The following YARS1 variants were observed in gnomAD, a reference collection of about 807,000 sequenced individuals.
The protein encoded by YARS1 is tyrosyl-tRNA synthetase 1.
A neutral mutation model predicts 62.2 loss-of-function variants in YARS1; 36 were observed. The observed-to-expected ratio is 0.58, with a 90% CI of 0.44 to 0.76. The LOEUF (loss-of-function observed/expected upper bound fraction) is 0.76, where lower values mean the gene tolerates loss of function less well. Ranked by LOEUF, YARS1 falls within the 30% of genes least tolerant of loss-of-function variation. The pLI is 0.00. For synonymous variants in YARS1, 234 were observed against 244.9 expected (o/e 0.96, Z 0.42); for missense variants, 524 against 639.8 (o/e 0.82, Z 1.95).
At chr1:32,799,826 G>A (rs1472085103) in intron 4 of YARS1, among the ~76,000 whole-genome samples, 1 of 151,832 alleles carries the variant, frequency 6.6e-6, no homozygotes, top group African/African-American at 2.4e-5. Flanking sequence ...TTTTAGAGAT[G>A]GAGTCTCACA....
intron 8 of YARS1, among the ~76,000 whole-genome samples, chr1:32,784,856 A>G (rs970056666): frequency 1.3e-5 from 2 of 152,172 alleles, no homozygotes; most frequent in African/African-American, 4.8e-5. Flanking sequence ...CCTCTGTGTA[A>G]TACCAGTCCC....
chr1:32,785,400 G>T (rs1019019220), intron 8 of YARS1, among the ~76,000 whole-genome samples: 4 of 150,870 alleles, frequency 2.7e-5, no homozygotes, highest in Non-Finnish European at 5.9e-5. Flanking sequence ...GGCGGAGGTT[G>T]CAGTGAGCCG....
chr1:32,779,517 C>T lies in YARS1; in HGVS notation c.1341G>A (p.Gly447=), dbSNP rs1054268611. The stretch of plus-strand genomic sequence containing the variant: ...CCAGAGGTTCAACCTGGCGGTTTAT[C>T]CCTTCTCTGGGAAGACACAGGACAA... The part of the protein sequence containing the change: ...QGMLLCASIE[G]INRQVEPLDP... The change falls in exon 12 of 13, where the codon GGG becomes GGA. Residue 447 remains glycine, a synonymous_variant. Coordinates refer to ENST00000373477, the MANE Select transcript of YARS1 (RefSeq NM_003680.4). The T allele has an allele frequency of 6.2e-7, 1 of 1,614,146 alleles. No individual in the cohort carries two copies. The highest frequency in any genetic ancestry group is 8.5e-7 in the Non-Finnish European group (1 of 1,180,018).
rs1401031007 is a variant in YARS1 at position 32,817,175 on chromosome 1, C to A, written c.57+13G>T. The stretch of plus-strand genomic sequence containing the variant: ...TAATCCCCAACGGCGCATTTCCAAC[C>A]CCCAGGCCTGACCTGCAGGTTCCGG... On this transcript the variant is annotated intron_variant, in intron 1 of 12. Transcript: ENST00000373477. 1.2e-6 allele frequency: 2 copies of A among 1,614,160 alleles called. No individual in the cohort carries two copies. Among genetic ancestry groups the A allele is most frequent in the East Asian group, 2.2e-5 (1 of 44,888 alleles).
At chr1:32,782,620 G>C in intron 8 of YARS1, 81 bp from the exon 9 acceptor site, 1 of 1,591,592 alleles carries the variant, frequency 6.3e-7, no homozygotes, top group Non-Finnish European at 8.6e-7. Flanking sequence ...TAGGATCAAG[G>C]GAGTTTTTCC....
At chr1:32,781,293 G>T in intron 9 of YARS1, 148 bp from the exon 10 acceptor site, 1 of 716,442 alleles carries the variant, frequency 1.4e-6, no homozygotes, top group South Asian at 1.5e-5. Flanking sequence ...TTTAATACTG[G>T]GTTGGCAACC....
At chr1:32,791,023 A>G in intron 6 of YARS1, 139 bp downstream of exon 6, 2 of 812,912 alleles carry the variant, frequency 2.5e-6, no homozygotes, top group South Asian at 2.8e-5. Flanking sequence ...AAGAACCACT[A>G]AACTAATTGA....
At chr1:32,791,284 G>T (rs748221693) in intron 5 of YARS1, 30 bp from the exon 6 acceptor site, 2 of 1,574,270 alleles carry the variant, frequency 1.3e-6, no homozygotes, top group South Asian at 2.2e-5. Flanking sequence ...CACAAAAGCC[G>T]ATATTAGTCT....
intron 1 of YARS1, among the ~76,000 whole-genome samples, chr1:32,812,451 G>A (rs993381575): frequency 6.6e-6 from 1 of 152,176 alleles, no homozygotes; most frequent in Non-Finnish European, 1.5e-5. Flanking sequence ...CAGATAGCAG[G>A]CCCTAAAGGA....
In YARS1 at chr1:32,775,862, A is replaced by G. The variant is rs1245920565; in HGVS notation, c.*119T>C. 8.5e-6 allele frequency: 8 copies of G among 938,998 alleles called. No individual in the cohort carries two copies. The highest frequency in any genetic ancestry group is 1.2e-5 in the Non-Finnish European group (7 of 592,076). The allele number at this position is 938,998 out of a possible 1,614,324, so 58.2% of individuals were successfully genotyped here. On this transcript the variant is annotated 3_prime_UTR_variant, in exon 13 of 13. Coordinates refer to ENST00000373477, the MANE Select transcript of YARS1 (RefSeq NM_003680.4). Reference sequence around the variant, plus strand: ...CCTTGCCGAGTTCTGCACCGAATAAAGAGTCCAAACCCGCTGCTTCCGTGT... The same window carrying G: ...CCTTGCCGAGTTCTGCACCGAATAAGGAGTCCAAACCCGCTGCTTCCGTGT...
chr1:32,798,867 T>C (rs1210684967), intron 4 of YARS1, among the ~76,000 whole-genome samples: 1 of 152,034 alleles, frequency 6.6e-6, no homozygotes, highest in Admixed American at 6.6e-5. Context: ...ACAGTGACTG[T>C]CACTTATGAC....
intron 5 of YARS1, among the ~76,000 whole-genome samples, chr1:32,795,671 T>C (rs529153317): frequency 1.3e-5 from 2 of 151,736 alleles, no homozygotes; most frequent in African/African-American, 4.8e-5. Context: ...CTGGGTGTGG[T>C]GGCACGCGCC....
intron 3 of YARS1, among the ~76,000 whole-genome samples, chr1:32,809,627 A>G (rs762770157): frequency 3.9e-5 from 6 of 152,208 alleles, no homozygotes; most frequent in Non-Finnish European, 8.8e-5. Context: ...AGTTACTAGT[A>G]AGCAAGAGAT....
intron 4 of YARS1, 116 bp from the exon 5 acceptor site, chr1:32,797,959 C>T: frequency 1.2e-6 from 1 of 835,064 alleles, no homozygotes; most frequent in Admixed American, 2.0e-5. Flanking sequence ...CCACCTCTGC[C>T]TCTCAGGTTC....
intron 9 of YARS1, 177 bp from the exon 10 acceptor site, chr1:32,781,322 T>C: frequency 1.5e-6 from 1 of 653,388 alleles, no homozygotes; most frequent in Non-Finnish European, 2.8e-6. Context: ...ATGACATACC[T>C]GATTTTCATC....
At chr1:32,805,120 C>T (rs941856526) in intron 4 of YARS1, among the ~76,000 whole-genome samples, 6 of 151,822 alleles carry the variant, frequency 4.0e-5, no homozygotes, top group Admixed American at 1.3e-4. Context: ...CCCAGGCACT[C>T]GGCAGGCTGA....
chr1:32,780,697 C>T, intron 10 of YARS1: 1 of 421,590 alleles, frequency 2.4e-6, no homozygotes, highest in Non-Finnish European at 4.4e-6. Context: ...AGTCTTCCCT[C>T]CACCACTTTC....
intron 4 of YARS1, among the ~76,000 whole-genome samples, chr1:32,804,290 G>T (rs1396249295): frequency 1.3e-5 from 2 of 151,812 alleles, no homozygotes; most frequent in African/African-American, 4.8e-5. Flanking sequence ...GGGCAGAGGG[G>T]CTCCTCACTT....
chr1:32,775,268 T>C lies in YARS1; in HGVS notation c.*713A>G, dbSNP rs1206673241. 1 of 152,532 alleles carries C rather than the reference T, an allele frequency of 6.6e-6. No individual in the cohort carries two copies. The highest frequency in any genetic ancestry group is 2.4e-5 in the African/African-American group (1 of 41,452). 9.4% of individuals were successfully genotyped at this position (152,532 alleles called of 1,614,324 possible). ...TGTTCAGACATTTTATTTGAATTTA[T>C]GACAGTGATGGGGATTTGACTGAGA... On this transcript the variant is annotated 3_prime_UTR_variant, in exon 13 of 13. Transcript: ENST00000373477.
Sources: allele counts gnomAD v4.1 joint callset (sites outside exome capture counted in the v4.1 genomes callset), GRCh38; gene constraint gnomAD v4.1.1; transcripts MANE v1.5; gene names NCBI Gene and HGNC (gene_info 2026-07-23, HGNC 2026-07-21).